Variants in PDE8B observed in about 807,000 individuals in gnomAD.
PDE8B encodes the protein high affinity cAMP-specific and IBMX-insensitive 3',5'-cyclic phosphodiesterase 8B.
Under a neutral mutation model 101.3 loss-of-function variants are expected in PDE8B, and 26 were observed. The ratio of observed to expected loss-of-function variants is 0.26; its 90% CI spans 0.19 to 0.36. The LOEUF is 0.36. Ranked by LOEUF, PDE8B falls within the 10% of genes least tolerant of loss-of-function variation. The pLI, the probability that PDE8B is intolerant of heterozygous loss-of-function variation, is 1.00. For missense variants in PDE8B, 810 were observed against 1,163.1 expected, an observed-to-expected ratio of 0.70 and a Z score of 4.42; for synonymous variants, 424 against 429.3, an observed-to-expected ratio of 0.99 and a Z score of 0.15.
chr5:77,376,901 A>G (rs1224958666), intron 10 of PDE8B, among the ~76,000 whole-genome samples: 1 of 152,098 alleles, frequency 6.6e-6, no homozygotes, highest in Non-Finnish European at 1.5e-5. Context: ...GGGGTGGGGA[A>G]ATGTTGGATC....
chr5:77,279,284 G>C lies in PDE8B; in HGVS notation c.340-32710G>C, dbSNP rs528963788. Among the ~76,000 whole-genome samples the C allele has an allele frequency of 8.5e-5, 13 of 152,298 alleles. No individual in the cohort carries two copies. In the South Asian group the frequency reaches 2.7e-3, roughly 32 times the overall value. On this transcript the variant is annotated intron_variant, in intron 1 of 21. Transcript: ENST00000264917. ...CATTTACAGAACATGGGCATGACTT[G>C]AACAAAAGTTGCTATTCTTAAGTAA...
At chr5:77,221,380 A>T (rs1435394484) in intron 1 of PDE8B, among the ~76,000 whole-genome samples, 3 of 152,218 alleles carry the variant, frequency 2.0e-5, no homozygotes, top group Admixed American at 1.3e-4. Flanking sequence ...CCCATGATGC[A>T]TCTAACATGT....
At chr5:77,315,960 C>G (rs772749037) in intron 2 of PDE8B, among the ~76,000 whole-genome samples, 2 of 151,274 alleles carry the variant, frequency 1.3e-5, no homozygotes, top group Admixed American at 6.6e-5. Context: ...TGAGTAGCCT[C>G]TTTTAAGCAG....
At chr5:77,416,387 A>C (rs1795567210) in intron 17 of PDE8B, among the ~76,000 whole-genome samples, 1 of 152,188 alleles carries the variant, frequency 6.6e-6, no homozygotes, top group Non-Finnish European at 1.5e-5. Context: ...CTCACTGCTC[A>C]GGTACAGTCA....
chr5:77,354,520 A>G (rs1781739091), intron 10 of PDE8B, among the ~76,000 whole-genome samples: 1 of 152,200 alleles, frequency 6.6e-6, no homozygotes, highest in Admixed American at 6.5e-5. Context: ...ACCAGGAGAA[A>G]GAATGAGTTC....
At chr5:77,393,150 T>C (rs1790291624) in intron 10 of PDE8B, among the ~76,000 whole-genome samples, 1 of 152,128 alleles carries the variant, frequency 6.6e-6, no homozygotes, top group African/African-American at 2.4e-5. Flanking sequence ...TCCCAGCACT[T>C]TGGGAGGCTG....
chr5:77,385,548 C>A (rs181996191), intron 10 of PDE8B, among the ~76,000 whole-genome samples: 41 of 151,266 alleles, frequency 2.7e-4, no homozygotes, highest in Admixed American at 2.4e-3. Flanking sequence ...TTCTCTAGTT[C>A]TTTTAATTGT....
At chr5:77,251,263 T>C (rs958525375) in intron 1 of PDE8B, among the ~76,000 whole-genome samples, 5 of 152,238 alleles carry the variant, frequency 3.3e-5, no homozygotes, top group Non-Finnish European at 5.9e-5. Context: ...TCTGTATTTT[T>C]TTCTCTGGCT....
At chr5:77,290,979 C>A in intron 1 of PDE8B, 1 of 1,611,750 alleles carries the variant, frequency 6.2e-7, no homozygotes, top group Non-Finnish European at 8.5e-7. Flanking sequence ...CAAAGATGAA[C>A]GAGTGAACCT....
intron 9 of PDE8B, 112 bp downstream of exon 9, chr5:77,351,265 G>T (rs1404317247): frequency 1.6e-5 from 13 of 820,282 alleles, no homozygotes; most frequent in Non-Finnish European, 4.2e-6. Context: ...CAGTAGGGTT[G>T]TGCTGAATGT....
In PDE8B at chr5:77,320,959, A is replaced by C. The variant is rs572233024; in HGVS notation, c.400-4580A>C. ...TTGTTTTTATTTTTTAGTTGCAAGTAATAACTGCCTTATACCAAAAAAGTA... is the reference window on the plus strand; with the variant it reads ...TTGTTTTTATTTTTTAGTTGCAAGTCATAACTGCCTTATACCAAAAAAGTA... On this transcript the variant is annotated intron_variant, in intron 2 of 21. Transcript: ENST00000264917. 1.1e-4 allele frequency among the ~76,000 whole-genome samples: 17 copies of C among 152,256 alleles called. 1 individual carries two copies. The East Asian group carries it at 3.3e-3, about 29-fold the overall frequency.
chr5:77,314,820 G>C (rs1773455926), intron 2 of PDE8B, among the ~76,000 whole-genome samples: 1 of 151,882 alleles, frequency 6.6e-6, no homozygotes, highest in African/African-American at 2.4e-5. Context: ...TGAGATTTCT[G>C]GTTACTCTAA....
chr5:77,355,971 T>C (rs1350092976), intron 10 of PDE8B, among the ~76,000 whole-genome samples: 1 of 152,226 alleles, frequency 6.6e-6, no homozygotes, highest in African/African-American at 2.4e-5. Context: ...GTGTTGCACC[T>C]CTGGCTGCTT....
chr5:77,339,908 A>C (rs1027915141), intron 6 of PDE8B, among the ~76,000 whole-genome samples: 3 of 152,184 alleles, frequency 2.0e-5, no homozygotes, highest in Admixed American at 2.0e-4. Flanking sequence ...TCTATTATAT[A>C]AAATAACTTA....
chr5:77,318,677 A>G (rs1774368750), intron 2 of PDE8B, among the ~76,000 whole-genome samples: 2 of 152,212 alleles, frequency 1.3e-5, no homozygotes, highest in Non-Finnish European at 2.9e-5. Context: ...AGGGACATTT[A>G]AGGAAAGTTC....
chr5:77,382,767 TC>T (rs1366389339), intron 10 of PDE8B, among the ~76,000 whole-genome samples: 1 of 152,204 alleles, frequency 6.6e-6, no homozygotes, highest in African/African-American at 2.4e-5. Flanking sequence ...CATGAACTCA[TC>T]CTTTTTTTAT....
the PDE8B span, among the ~76,000 whole-genome samples, chr5:77,122,184 A>G: frequency 6.6e-6 from 1 of 152,144 alleles, no homozygotes; most frequent in Non-Finnish European, 1.5e-5. Flanking sequence ...CCTTTAGTTG[A>G]CCTTGTAAAG....
intron 3 of PDE8B, among the ~76,000 whole-genome samples, chr5:77,328,122 A>G (rs1776406498): frequency 3.3e-5 from 5 of 152,210 alleles, no homozygotes; most frequent in Admixed American, 3.3e-4. Flanking sequence ...CCCTTCCAAG[A>G]TATCTCAGAA....
chr5:77,406,254 G>A (rs1187031636), intron 12 of PDE8B, among the ~76,000 whole-genome samples: 1 of 151,984 alleles, frequency 6.6e-6, no homozygotes, highest in Admixed American at 6.6e-5. Context: ...TCCAGCCTGG[G>A]CAACAAGAGC....
Sources: allele counts gnomAD v4.1 joint callset (sites outside exome capture counted in the v4.1 genomes callset), GRCh38; gene constraint gnomAD v4.1.1; transcripts MANE v1.5; gene names NCBI Gene and HGNC (gene_info 2026-07-23, HGNC 2026-07-21).